Variants in EXOC4 observed in about 807,000 individuals in gnomAD.
EXOC4 encodes exocyst complex component 4, also known as SEC8-like 1.
EXOC4 carries 71 observed loss-of-function variants against 107.2 expected under a neutral mutation model. The ratio of observed to expected loss-of-function variants is 0.66; its 90% CI spans 0.55 to 0.81. The LOEUF (loss-of-function observed/expected upper bound fraction) is 0.81. Ranked by LOEUF, EXOC4 falls within the 30% of genes least tolerant of loss-of-function variation. EXOC4 has a pLI of 0.00. For synonymous variants in EXOC4, 456 were observed against 441.2 expected (o/e 1.03, Z -0.42); for missense variants, 1,108 against 1,189.6 (o/e 0.93, Z 1.01).
chr7:133,717,541 C>T (rs979651334), intron 10 of EXOC4, among the ~76,000 whole-genome samples: 2 of 152,144 alleles, frequency 1.3e-5, no homozygotes, highest in Admixed American at 6.5e-5. Context: ...CATCTTACTG[C>T]TAGATTGGGA....
intron 9 of EXOC4, among the ~76,000 whole-genome samples, chr7:133,533,111 T>C (rs1800210593): frequency 6.6e-6 from 1 of 152,138 alleles, no homozygotes; most frequent in African/African-American, 2.4e-5. Flanking sequence ...CTTTGTTGCC[T>C]CCTTTCAGAA....
intron 14 of EXOC4, among the ~76,000 whole-genome samples, chr7:133,989,526 T>C (rs1013084552): frequency 1.7e-5 from 2 of 120,458 alleles, no homozygotes; most frequent in East Asian, 4.7e-4. Context: ...ATGGAAGAAA[T>C]GCCAGAGAGA....
At chr7:133,657,028 C>G (rs1043892168) in intron 10 of EXOC4, among the ~76,000 whole-genome samples, 1 of 152,100 alleles carries the variant, frequency 6.6e-6, no homozygotes, top group Non-Finnish European at 1.5e-5. Context: ...CATATTATCT[C>G]TTGTCTTTTT....
In EXOC4 at chr7:133,893,125, G is replaced by C. The variant is rs371162585; in HGVS notation, c.1735-2474G>C. On this transcript the variant is annotated intron_variant, in intron 11 of 17. Coordinates refer to ENST00000253861, the MANE Select transcript of EXOC4 (RefSeq NM_021807.4). ...CTGGGTGCTCCTGTATTGGGTGCAT[G>C]TATATTTAGGATAGTTAGCTCCTCT... Among the ~76,000 whole-genome samples, 2 of 62,040 alleles carry C rather than the reference G, an allele frequency of 3.2e-5. 1 individual carries two copies. The highest frequency in any genetic ancestry group is 4.7e-4 in the African/African-American group (2 of 4,240). 40.7% of individuals were successfully genotyped at this position (62,040 alleles called of 152,430 possible).
At chr7:133,618,195 T>C (rs1802241389) in intron 9 of EXOC4, among the ~76,000 whole-genome samples, 2 of 152,152 alleles carry the variant, frequency 1.3e-5, no homozygotes, top group African/African-American at 4.8e-5. Flanking sequence ...GCAGTGTTTA[T>C]TTTTAATGGC....
intron 9 of EXOC4, among the ~76,000 whole-genome samples, chr7:133,576,005 C>T (rs1020732266): frequency 3.3e-5 from 5 of 152,132 alleles, no homozygotes; most frequent in Non-Finnish European, 7.4e-5. Flanking sequence ...GTGTTCTGGA[C>T]CTCCGCTTAC....
rs189059125 is a variant in EXOC4, at chr7:133,929,730, C to A, written c.2028-8161C>A. ...TGATTCTAACCCTCCTCCTACCCTT[C>A]ACCCTCAAGTAGTCCCATGTCTACT... is the stretch of plus-strand genomic sequence containing the variant. On this transcript the variant is annotated intron_variant, in intron 13 of 17. Transcript: ENST00000253861. Among the ~76,000 whole-genome samples, 201 of 152,208 alleles carry A rather than the reference C, an allele frequency of 1.3e-3. 1 individual carries two copies. The highest frequency in any genetic ancestry group is 6.2e-4 in the Non-Finnish European group (42 of 68,016).
chr7:133,621,629 G>A (rs1388338864), intron 9 of EXOC4, among the ~76,000 whole-genome samples: 11 of 152,156 alleles, frequency 7.2e-5, no homozygotes, highest in Admixed American at 7.2e-4. Flanking sequence ...TAGATTCTCT[G>A]TCTTGACATT....
chr7:133,677,237 ATTG>A (rs1049405038), intron 10 of EXOC4, among the ~76,000 whole-genome samples: 12 of 152,132 alleles, frequency 7.9e-5, no homozygotes, highest in African/African-American at 2.9e-4. Context: ...GTTAAGATGT[ATTG>A]TTGTTTCTAG....
At chr7:133,953,945 T>C (rs1800752290) in intron 14 of EXOC4, among the ~76,000 whole-genome samples, 2 of 152,218 alleles carry the variant, frequency 1.3e-5, no homozygotes, top group South Asian at 4.1e-4. Context: ...TTGAGCCATA[T>C]GTGAAGTACT....
At chr7:133,640,902 G>T (rs1802838992) in intron 10 of EXOC4, among the ~76,000 whole-genome samples, 1 of 150,972 alleles carries the variant, frequency 6.6e-6, no homozygotes, top group South Asian at 2.1e-4. Context: ...GGATCTTGCT[G>T]TGTTGCCCAG....
intron 9 of EXOC4, among the ~76,000 whole-genome samples, chr7:133,618,231 A>G (rs1341780298): frequency 6.6e-6 from 1 of 151,242 alleles, no homozygotes; most frequent in African/African-American, 2.4e-5. Flanking sequence ...TTATATATAT[A>G]TATTTATGTG....
intron 17 of EXOC4, 113 bp downstream of exon 17, chr7:134,007,948 AAAG>A: frequency 1.0e-6 from 1 of 963,810 alleles, no homozygotes. Flanking sequence ...TTAAAAAAAG[AAAG>A]AAGCACAGAT....
At chr7:133,904,671 A>T (rs1386323418) in intron 12 of EXOC4, among the ~76,000 whole-genome samples, 1 of 152,158 alleles carries the variant, frequency 6.6e-6, no homozygotes, top group African/African-American at 2.4e-5. Flanking sequence ...AATTTTTCTC[A>T]GGATTGGGAA....
intron 7 of EXOC4, among the ~76,000 whole-genome samples, chr7:133,412,068 GA>G (rs1797369478): frequency 6.6e-6 from 1 of 151,986 alleles, no homozygotes; most frequent in Non-Finnish European, 1.5e-5. Context: ...TTGATAGGAA[GA>G]TGTCAGACCT....
At chr7:133,784,952 A>T (rs1796538764) in intron 10 of EXOC4, among the ~76,000 whole-genome samples, 1 of 152,200 alleles carries the variant, frequency 6.6e-6, no homozygotes, top group Non-Finnish European at 1.5e-5. Context: ...GGCCCTCCAG[A>T]AGATATCTGC....
chr7:133,476,326 C>T (rs564196029), intron 8 of EXOC4, among the ~76,000 whole-genome samples: 1 of 152,206 alleles, frequency 6.6e-6, no homozygotes, highest in African/African-American at 2.4e-5. Flanking sequence ...CAGAAGGTCT[C>T]ATAGCTAGCA....
chr7:133,368,497 C>T (rs1329977210), intron 6 of EXOC4, among the ~76,000 whole-genome samples: 1 of 152,126 alleles, frequency 6.6e-6, no homozygotes, highest in Non-Finnish European at 1.5e-5. Flanking sequence ...GTTAAAGATA[C>T]AGGAATTAAT....
chr7:133,957,541 T>C (rs1449395458), intron 14 of EXOC4, among the ~76,000 whole-genome samples: 1 of 152,196 alleles, frequency 6.6e-6, no homozygotes, highest in East Asian at 1.9e-4. Context: ...AAAGTCAAGA[T>C]TCTTAAATGT....
Sources: allele counts gnomAD v4.1 joint callset (sites outside exome capture counted in the v4.1 genomes callset), GRCh38; gene constraint gnomAD v4.1.1; transcripts MANE v1.5; gene names NCBI Gene and HGNC (gene_info 2026-07-23, HGNC 2026-07-21).